CCDC68: variants seen among roughly 807,000 people sequenced by gnomAD.
CCDC68 encodes coiled-coil domain containing 68.
A neutral mutation model predicts 47.1 loss-of-function variants in CCDC68; 45 were observed. The observed-to-expected ratio is 0.96, with a 90% CI of 0.75 to 1.23. The LOEUF (loss-of-function observed/expected upper bound fraction) is 1.23, where lower values mean the gene tolerates loss of function less well. Among genes scored for constraint, CCDC68 ranks in the 50% most tolerant of loss-of-function variants. The pLI is 0.00. For missense variants in CCDC68, 353 were observed against 373.6 expected, an observed-to-expected ratio of 0.94 and a Z score of 0.45; for synonymous variants, 131 against 129.5, an observed-to-expected ratio of 1.01 and a Z score of -0.08.
chr18:54,946,228 T>C (rs888717198), intron 1 of CCDC68, among the ~76,000 whole-genome samples: 3 of 152,238 alleles, frequency 2.0e-5, no homozygotes, highest in African/African-American at 7.2e-5. Context: ...ACATATCTTT[T>C]ATGTCGCTTT....
intron 8 of CCDC68, among the ~76,000 whole-genome samples, chr18:54,924,282 T>C (rs2044109996): frequency 6.6e-6 from 1 of 151,796 alleles, no homozygotes; most frequent in African/African-American, 2.4e-5. Context: ...CCCTGGATAT[T>C]GTATATGAAA....
At chr18:54,929,281 G>A (rs1292491072) in intron 7 of CCDC68, among the ~76,000 whole-genome samples, 1 of 152,066 alleles carries the variant, frequency 6.6e-6, no homozygotes, top group African/African-American at 2.4e-5. Context: ...GGTATCCAAG[G>A]ACACTAGATA....
At chr18:54,954,404 A>C (rs2044677502) in intron 1 of CCDC68, 1 of 152,074 alleles carries the variant, frequency 6.6e-6, no homozygotes, top group Non-Finnish European at 1.5e-5. Flanking sequence ...CCACACCATG[A>C]AGACGTTTGA....
At chr18:54,935,274 A>G (rs2044325178) in intron 6 of CCDC68, among the ~76,000 whole-genome samples, 1 of 152,220 alleles carries the variant, frequency 6.6e-6, no homozygotes, top group South Asian at 2.1e-4. Context: ...ATTATTATCC[A>G]GAACAAAAAA....
chr18:54,904,730 T>G (rs578011501), intron 11 of CCDC68, among the ~76,000 whole-genome samples: 108 of 152,218 alleles, frequency 7.1e-4, no homozygotes, highest in African/African-American at 2.3e-3. Flanking sequence ...CCAGAGTGAG[T>G]TGGAGATGAC....
chr18:54,943,969 A>G (rs759923953), intron 2 of CCDC68, among the ~76,000 whole-genome samples: 2 of 152,190 alleles, frequency 1.3e-5, no homozygotes, highest in Non-Finnish European at 2.9e-5. Flanking sequence ...TAGCCTGGCC[A>G]ACATGGTGGA....
chr18:54,911,863 C>T (rs796336579), intron 10 of CCDC68, among the ~76,000 whole-genome samples: 2 of 152,196 alleles, frequency 1.3e-5, no homozygotes, highest in African/African-American at 4.8e-5. Context: ...ATGTTAGACT[C>T]TCTTCAATTT....
chr18:54,951,876 G>A (rs1320174782), intron 1 of CCDC68, among the ~76,000 whole-genome samples: 1 of 152,194 alleles, frequency 6.6e-6, no homozygotes, highest in African/African-American at 2.4e-5. Context: ...CAGCTGGGAG[G>A]TCTTGGAAAA....
chr18:54,926,318 A>C (rs7244554), intron 8 of CCDC68, among the ~76,000 whole-genome samples: 11,507 of 152,270 alleles, frequency 0.076, 464 homozygotes, highest in African/African-American at 0.093. Context: ...GCAAGTAAAC[A>C]TGTCCTTCTT....
intron 1 of CCDC68, among the ~76,000 whole-genome samples, chr18:54,957,458 A>G (rs2044731847): frequency 6.6e-6 from 1 of 152,166 alleles, no homozygotes; most frequent in Admixed American, 6.5e-5. Flanking sequence ...AATGTGTCTG[A>G]TTTACACAGG....
At chr18:54,928,052 T>C (rs773454552) in intron 8 of CCDC68, among the ~76,000 whole-genome samples, 16 of 152,176 alleles carry the variant, frequency 1.1e-4, no homozygotes, top group Non-Finnish European at 1.6e-4. Flanking sequence ...CAAACTAAGA[T>C]CTTGAAATCG....
rs115532113 is a variant in CCDC68 at position 54,916,519 on chromosome 18, T to A, written c.873+1394A>T. Among the ~76,000 whole-genome samples, 311 of 152,136 alleles carry A rather than the reference T, an allele frequency of 2.0e-3. 2 individuals are homozygous for A. The highest frequency in any genetic ancestry group is 7.3e-3 in the African/African-American group (303 of 41,516). On this transcript the variant is annotated intron_variant, in intron 10 of 11. Transcript: ENST00000591504. ...GCAACATTACGCTGGCAGGTGACAA[T>A]TGGCAGAAAATCAAAATACTGAGGG...
intron 4 of CCDC68, among the ~76,000 whole-genome samples, chr18:54,940,687 C>T (rs532105606): frequency 5.9e-5 from 9 of 152,308 alleles, no homozygotes; most frequent in South Asian, 4.1e-4. Context: ...ATGTGGCCCA[C>T]GTGAGTCTAA....
At chr18:54,940,963 G>A (rs1304761480) in intron 4 of CCDC68, 34 bp downstream of exon 4, 2 of 1,456,356 alleles carry the variant, frequency 1.4e-6, no homozygotes, top group African/African-American at 2.8e-5. Context: ...AAGTCTAAAT[G>A]GCTTTATGCT....
At chr18:54,956,318 G>A (rs1331083572) in intron 1 of CCDC68, among the ~76,000 whole-genome samples, 1 of 152,126 alleles carries the variant, frequency 6.6e-6, no homozygotes, top group Non-Finnish European at 1.5e-5. Flanking sequence ...TTGGTTTGTT[G>A]GAGAGTTACA....
chr18:54,923,440 T>TA lies in CCDC68; in HGVS notation c.684-4065dup, dbSNP rs541934468. Among the ~76,000 whole-genome samples, 688 of 130,218 alleles carry TA rather than the reference T, an allele frequency of 5.3e-3. 1 individual carries two copies. The highest frequency in any genetic ancestry group is 0.012 in the Middle Eastern group (3 of 254). The allele number at this position is 130,218 out of a possible 152,430, so 85.4% of individuals were successfully genotyped here. On this transcript the variant is annotated intron_variant, in intron 8 of 11. Coordinates refer to ENST00000591504, the MANE Select transcript of CCDC68 (RefSeq NM_025214.3). ...GTATTACCATAGCGTTCACTGTAAG[T>TA]AAAAAAAAAAAAAAAATTGAAATTG...
chr18:54,932,164 A>T (rs1355118112), intron 7 of CCDC68, among the ~76,000 whole-genome samples: 1 of 150,164 alleles, frequency 6.7e-6, no homozygotes, highest in Non-Finnish European at 1.5e-5. Flanking sequence ...TTTCACAAAT[A>T]TAAAATATTT....
At chr18:54,937,902 A>G in intron 5 of CCDC68, 55 bp downstream of exon 5, 1 of 1,522,214 alleles carries the variant, frequency 6.6e-7, no homozygotes, top group Non-Finnish European at 8.9e-7. Context: ...CTAACAACCC[A>G]TTCTATTAGC....
chr18:54,950,319 A>G (rs1438677620), intron 1 of CCDC68, among the ~76,000 whole-genome samples: 2 of 152,224 alleles, frequency 1.3e-5, no homozygotes, highest in Non-Finnish European at 2.9e-5. Context: ...GAGGGAAAAT[A>G]GCGAACGTTA....
Sources: allele counts gnomAD v4.1 joint callset (sites outside exome capture counted in the v4.1 genomes callset), GRCh38; gene constraint gnomAD v4.1.1; transcripts MANE v1.5; gene names NCBI Gene and HGNC (gene_info 2026-07-23, HGNC 2026-07-21).